MIPEP: variants seen among roughly 807,000 people sequenced by gnomAD.
The protein encoded by MIPEP is mitochondrial intermediate peptidase.
In MIPEP, 79 loss-of-function variants were observed where a neutral mutation model predicts 90.3. The observed-to-expected ratio is 0.87, with a 90% CI of 0.73 to 1.05. MIPEP has a LOEUF of 1.05. MIPEP is among the 50% of genes least tolerant of loss of function. The pLI is 0.00. For missense variants in MIPEP, 940 were observed against 905.6 expected (o/e 1.04, Z -0.49); for synonymous variants, 334 against 315.8 (o/e 1.06, Z -0.61).
At position 23,809,936 on chromosome 13, in the gene MIPEP, A is replaced by T; in HGVS notation, c.1654-12T>A. 1 of 1,589,950 alleles carries T rather than the reference A, an allele frequency of 6.3e-7. No individual in the cohort carries two copies. Among genetic ancestry groups the T allele is most frequent in the Non-Finnish European group, 8.6e-7 (1 of 1,158,458 alleles). ...TTTTTTGGCAGTGGCTTGATAAAAC[A>T]AAAGAATATATATGTGAGTAAACTG... On this transcript the variant is annotated splice_polypyrimidine_tract_variant and intron_variant, in intron 14 of 18. Coordinates refer to ENST00000382172, the MANE Select transcript of MIPEP (RefSeq NM_005932.4).
intron 16 of MIPEP, among the ~76,000 whole-genome samples, chr13:23,783,647 G>C (rs938288192): frequency 6.6e-6 from 1 of 152,190 alleles, no homozygotes; most frequent in Admixed American, 6.5e-5. Context: ...ATTAGGAAAA[G>C]AGGAAGTCAA....
chr13:23,831,494 G>C (rs921794935), intron 14 of MIPEP, among the ~76,000 whole-genome samples: 1 of 151,958 alleles, frequency 6.6e-6, no homozygotes, highest in Non-Finnish European at 1.5e-5. Flanking sequence ...TTACAATTCT[G>C]TAGGCTAGGA....
At chr13:23,781,522 G>T (rs1308921907) in intron 16 of MIPEP, among the ~76,000 whole-genome samples, 5 of 152,138 alleles carry the variant, frequency 3.3e-5, no homozygotes, top group African/African-American at 1.2e-4. Context: ...AAAGACCATC[G>T]ATGCTAGGAA....
At chr13:23,755,957 A>C (rs1388632055) in intron 18 of MIPEP, among the ~76,000 whole-genome samples, 3 of 152,108 alleles carry the variant, frequency 2.0e-5, no homozygotes, top group Admixed American at 2.0e-4. Context: ...TTAAAATCTA[A>C]AGGAAAATTT....
At chr13:23,819,374 C>G (rs1953279353) in intron 14 of MIPEP, among the ~76,000 whole-genome samples, 1 of 152,194 alleles carries the variant, frequency 6.6e-6, no homozygotes, top group African/African-American at 2.4e-5. Context: ...AAAGAGGAAC[C>G]TGATGCTAAT....
chr13:23,876,710 G>C (rs547728935), intron 4 of MIPEP, among the ~76,000 whole-genome samples: 23 of 152,170 alleles, frequency 1.5e-4, no homozygotes, highest in South Asian at 4.2e-4. Context: ...TTTGAATGTG[G>C]AAGCGTTTTG....
At chr13:23,819,240 C>T (rs779181489) in intron 14 of MIPEP, among the ~76,000 whole-genome samples, 2 of 152,228 alleles carry the variant, frequency 1.3e-5, no homozygotes, top group Non-Finnish European at 2.9e-5. Flanking sequence ...AAATGCCACA[C>T]AATCAAACCA....
chr13:23,785,016 T>G (rs895206665), intron 16 of MIPEP, among the ~76,000 whole-genome samples: 1 of 152,080 alleles, frequency 6.6e-6, no homozygotes, highest in Admixed American at 6.5e-5. Flanking sequence ...TGTGGAGAAA[T>G]AGGAACACTT....
intron 12 of MIPEP, 88 bp downstream of exon 12, chr13:23,839,561 G>A (rs1869204538): frequency 3.8e-6 from 3 of 798,314 alleles, no homozygotes; most frequent in South Asian, 5.5e-5. Context: ...TAAATGTCAT[G>A]GAATTTAAAA....
At chr13:23,866,043 G>A (rs749513585) in intron 7 of MIPEP, among the ~76,000 whole-genome samples, 12 of 151,914 alleles carry the variant, frequency 7.9e-5, no homozygotes, top group South Asian at 6.3e-4. Context: ...GTGCCTCACC[G>A]CAGTTACCTC....
chr13:23,878,132 T>C (rs1161232167), intron 4 of MIPEP, among the ~76,000 whole-genome samples: 1 of 152,232 alleles, frequency 6.6e-6, no homozygotes, highest in Non-Finnish European at 1.5e-5. Flanking sequence ...ATTTTTAACA[T>C]TGTTTGTTGT....
At chr13:23,824,440 T>A (rs2137433681) in intron 14 of MIPEP, among the ~76,000 whole-genome samples, 1 of 152,338 alleles carries the variant, frequency 6.6e-6, no homozygotes, top group South Asian at 2.1e-4. Context: ...AGCAGAGAAC[T>A]CCTACTGCTG....
At chr13:23,803,136 G>A (rs987284741) in intron 16 of MIPEP, among the ~76,000 whole-genome samples, 4 of 152,138 alleles carry the variant, frequency 2.6e-5, no homozygotes, top group African/African-American at 9.7e-5. Context: ...GCCAAGACAG[G>A]TGGATTATCT....
chr13:23,769,519 AG>A (rs1195186499), intron 16 of MIPEP, among the ~76,000 whole-genome samples: 1 of 152,210 alleles, frequency 6.6e-6, no homozygotes, highest in Non-Finnish European at 1.5e-5. Context: ...AAGGAGTCCA[AG>A]GGCAGGTGTA....
At chr13:23,788,067 G>A (rs1025867912) in intron 16 of MIPEP, among the ~76,000 whole-genome samples, 7 of 152,100 alleles carry the variant, frequency 4.6e-5, no homozygotes, top group African/African-American at 1.4e-4. Flanking sequence ...ATTTTAGAAG[G>A]AATACATGCT....
At chr13:23,792,397 T>C (rs1044177075) in intron 16 of MIPEP, among the ~76,000 whole-genome samples, 3 of 152,200 alleles carry the variant, frequency 2.0e-5, no homozygotes, top group Non-Finnish European at 4.4e-5. Flanking sequence ...CATAGTCTTC[T>C]CCATCTTTAT....
intron 14 of MIPEP, among the ~76,000 whole-genome samples, chr13:23,814,444 G>T: frequency 6.6e-6 from 1 of 151,906 alleles, no homozygotes; most frequent in East Asian, 1.9e-4. Context: ...TGTATTTTTA[G>T]TAGAGACGGG....
intron 18 of MIPEP, among the ~76,000 whole-genome samples, chr13:23,736,396 G>A (rs1188182493): frequency 6.6e-6 from 1 of 152,150 alleles, no homozygotes; most frequent in Non-Finnish European, 1.5e-5. Context: ...GTTAAAGAGT[G>A]AGAATTTAAT....
intron 4 of MIPEP, among the ~76,000 whole-genome samples, chr13:23,875,454 GTTTC>G (rs1871030387): frequency 6.6e-6 from 1 of 151,186 alleles, no homozygotes; most frequent in Non-Finnish European, 1.5e-5. Context: ...TGGAAGCTGA[GTTTC>G]TTGGCTAATG....
Sources: allele counts gnomAD v4.1 joint callset (sites outside exome capture counted in the v4.1 genomes callset), GRCh38; gene constraint gnomAD v4.1.1; transcripts MANE v1.5; gene names NCBI Gene and HGNC (gene_info 2026-07-23, HGNC 2026-07-21).